The following KAT2B variants were observed in gnomAD, a reference collection of about 807,000 sequenced individuals.
KAT2B encodes lysine acetyltransferase 2B.
A neutral mutation model predicts 105.9 loss-of-function variants in KAT2B; 36 were observed. The observed-to-expected ratio is 0.34, with a 90% CI of 0.26 to 0.45. KAT2B has a LOEUF of 0.45. KAT2B is among the 20% of genes least tolerant of loss of function. The pLI, the probability that KAT2B is intolerant of heterozygous loss-of-function variation, is 1.00. For synonymous variants in KAT2B, 397 were observed against 377.9 expected, an observed-to-expected ratio of 1.05 and a Z score of -0.59; for missense variants, 820 against 1,021.6, an observed-to-expected ratio of 0.80 and a Z score of 2.69.
intron 1 of KAT2B, among the ~76,000 whole-genome samples, chr3:20,063,412 T>A (rs1197516085): frequency 1.3e-5 from 2 of 151,414 alleles, no homozygotes; most frequent in African/African-American, 4.8e-5. Flanking sequence ...TTTTTCTGTA[T>A]TTTCTTTTAA....
intron 5 of KAT2B, among the ~76,000 whole-genome samples, chr3:20,109,362 G>A (rs1699079762): frequency 6.6e-6 from 1 of 152,086 alleles, no homozygotes; most frequent in South Asian, 2.1e-4. Context: ...TGTCACCCAG[G>A]CTGCATTGCA....
At chr3:20,139,650 A>G (rs6550363) in intron 12 of KAT2B, among the ~76,000 whole-genome samples, 9,266 of 152,072 alleles carry the variant, frequency 0.061, 924 homozygotes, top group African/African-American at 0.21. Flanking sequence ...ACTCTGAAGC[A>G]GTCTGTTATT....
chr3:20,077,078 G>C (rs1460888692), intron 2 of KAT2B, among the ~76,000 whole-genome samples: 1 of 152,044 alleles, frequency 6.6e-6, no homozygotes, highest in Non-Finnish European at 1.5e-5. Context: ...AGACATCTTT[G>C]GTCTACCATA....
intron 2 of KAT2B, among the ~76,000 whole-genome samples, chr3:20,084,020 A>G (rs997623766): frequency 6.6e-6 from 1 of 152,146 alleles, no homozygotes; most frequent in Non-Finnish European, 1.5e-5. Context: ...GTTCAGCGCT[A>G]CTTCCTCAGA....
At chr3:20,084,443 A>C (rs1257351549) in intron 2 of KAT2B, among the ~76,000 whole-genome samples, 2 of 152,124 alleles carry the variant, frequency 1.3e-5, no homozygotes, top group South Asian at 2.1e-4. Flanking sequence ...TGTACAGGGG[A>C]GCCTCTTTCT....
chr3:20,040,522 AGCCGGGGCAGGG>A lies in KAT2B; in HGVS notation c.52_63del (p.Ala18_Gly21del), dbSNP rs1404942042. The A allele has an allele frequency of 1.9e-5, 19 of 1,006,758 alleles. No homozygotes were observed. The highest frequency in any genetic ancestry group is 4.5e-5 in the South Asian group (1 of 22,358). 62.4% of individuals were successfully genotyped at this position (1,006,758 alleles called of 1,614,324 possible). Reference sequence around the variant, plus strand: ...CCGGGCCGGGCGGCTGCGGGGCAGGAGCCGGGGCAGGGGCCGGGCCCGGGGCGCTGCCCCCGC... The same window carrying A: ...CCGGGCCGGGCGGCTGCGGGGCAGGAGCCGGGCCCGGGGCGCTGCCCCCGC... On this transcript the variant is annotated inframe_deletion, in exon 1 of 18. Transcript: ENST00000263754.
chr3:20,072,258 A>G (rs750422136), intron 1 of KAT2B, 75 bp from the exon 2 acceptor site: 130 of 1,452,968 alleles, frequency 8.9e-5, no homozygotes, highest in Non-Finnish European at 1.1e-4. Context: ...ATTAGTGTAC[A>G]TTGTTCTCAT....
At chr3:20,053,228 C>T (rs979707774) in intron 1 of KAT2B, among the ~76,000 whole-genome samples, 2 of 152,062 alleles carry the variant, frequency 1.3e-5, no homozygotes, top group African/African-American at 4.8e-5. Context: ...CTGCAAGTTA[C>T]AATTAAATTC....
At chr3:20,070,445 C>T (rs1217179098) in intron 1 of KAT2B, among the ~76,000 whole-genome samples, 2 of 151,392 alleles carry the variant, frequency 1.3e-5, no homozygotes, top group Non-Finnish European at 2.9e-5. Flanking sequence ...GCTGGGACTA[C>T]AGGCGCCTGC....
chr3:20,098,802 G>A (rs2125197209), intron 3 of KAT2B, among the ~76,000 whole-genome samples: 1 of 152,246 alleles, frequency 6.6e-6, no homozygotes, highest in East Asian at 1.9e-4. Flanking sequence ...TTGAAAGGAT[G>A]AACAGATGCC....
chr3:20,049,149 C>T (rs565451861), intron 1 of KAT2B, among the ~76,000 whole-genome samples: 6 of 152,202 alleles, frequency 3.9e-5, no homozygotes, highest in East Asian at 3.9e-4. Flanking sequence ...TGTGAGCCAC[C>T]GCGCCTGGCC....
chr3:20,115,562 G>A (rs1030487911), intron 7 of KAT2B, among the ~76,000 whole-genome samples: 1 of 152,170 alleles, frequency 6.6e-6, no homozygotes, highest in Non-Finnish European at 1.5e-5. Context: ...GGGGGCTTGT[G>A]AGTATTGCCT....
At chr3:20,058,872 G>C (rs1698047579) in intron 1 of KAT2B, among the ~76,000 whole-genome samples, 1 of 152,118 alleles carries the variant, frequency 6.6e-6, no homozygotes. Context: ...TTCAAATCTT[G>C]GCTACTCAAA....
chr3:20,065,438 A>G (rs1398338248), intron 1 of KAT2B, among the ~76,000 whole-genome samples: 1 of 152,142 alleles, frequency 6.6e-6, no homozygotes, highest in Admixed American at 6.6e-5. Flanking sequence ...GAGACCTCTT[A>G]TCTCGAAGAA....
intron 1 of KAT2B, among the ~76,000 whole-genome samples, chr3:20,059,699 C>T (rs772149023): frequency 1.3e-5 from 2 of 152,018 alleles, no homozygotes; most frequent in African/African-American, 2.4e-5. Context: ...AGCGAGACTC[C>T]ATCTCAAAAC....
intron 13 of KAT2B, 120 bp downstream of exon 13, chr3:20,140,484 G>A: frequency 1.0e-6 from 1 of 963,072 alleles, no homozygotes; most frequent in Non-Finnish European, 1.5e-6. Context: ...GTTTGCTGTG[G>A]GTTATCTAGA....
At chr3:20,040,924 T>G (rs1410990871) in intron 1 of KAT2B, 144 bp downstream of exon 1, 2 of 1,030,454 alleles carry the variant, frequency 1.9e-6, no homozygotes, top group Non-Finnish European at 2.6e-6. Context: ...GAAGTGCTCT[T>G]GTCGCCCGCG....
chr3:20,062,464 T>TA (rs1553645441), intron 1 of KAT2B, among the ~76,000 whole-genome samples: 8 of 126,408 alleles, frequency 6.3e-5, no homozygotes, highest in African/African-American at 8.9e-5. Flanking sequence ...ATATTTTATT[T>TA]TATATATATA....
At chr3:20,148,701 C>T (rs1323916748) in intron 17 of KAT2B, 2 of 463,266 alleles carry the variant, frequency 4.3e-6, no homozygotes, top group East Asian at 3.5e-5. Context: ...TTAGAGCCCA[C>T]ATGAGCTTAA....
Sources: allele counts gnomAD v4.1 joint callset (sites outside exome capture counted in the v4.1 genomes callset), GRCh38; gene constraint gnomAD v4.1.1; transcripts MANE v1.5; gene names NCBI Gene and HGNC (gene_info 2026-07-23, HGNC 2026-07-21).